PTPRO: variants seen among roughly 807,000 people sequenced by gnomAD.
PTPRO encodes the protein protein tyrosine phosphatase receptor type O.
PTPRO carries 62 observed loss-of-function variants against 145.2 expected under a neutral mutation model. The observed-to-expected ratio is 0.43, with a 90% confidence interval of 0.35 to 0.53. The LOEUF (loss-of-function observed/expected upper bound fraction) is 0.53. Ranked by LOEUF, PTPRO falls within the 20% of genes least tolerant of loss-of-function variation. PTPRO has a pLI of 0.01. For synonymous variants in PTPRO, 565 were observed against 514.7 expected (o/e 1.10, Z -1.32); for missense variants, 1,345 against 1,482.7 (o/e 0.91, Z 1.53).
At chr12:15,459,132 C>T (rs1401492723) in intron 1 of PTPRO, among the ~76,000 whole-genome samples, 1 of 152,154 alleles carries the variant, frequency 6.6e-6, no homozygotes, top group Admixed American at 6.5e-5. Context: ...GAAGCCAGTT[C>T]CTCAGGCAAT....
intron 6 of PTPRO, among the ~76,000 whole-genome samples, chr12:15,506,646 G>T (rs569702840): frequency 7.9e-5 from 12 of 152,048 alleles, no homozygotes; most frequent in African/African-American, 2.9e-4. Context: ...ATGAGAACTC[G>T]CTCATTGTCT....
chr12:15,384,289 GATT>G (rs894174791), intron 1 of PTPRO, among the ~76,000 whole-genome samples: 30 of 152,106 alleles, frequency 2.0e-4, no homozygotes, highest in African/African-American at 7.2e-4. Flanking sequence ...GGGATTGCTG[GATT>G]ATTATAAATT....
rs1392955396 is a variant in PTPRO at position 15,323,323 on chromosome 12, C to T, written c.75+522C>T. ...TGAATAAGGAGTGTCAGGTAGAGAG[C>T]TTGGTAAGGATTCCTCTCCCCAACT... On this transcript the variant is annotated intron_variant, in intron 1 of 26. Transcript: ENST00000281171. Among the ~76,000 whole-genome samples, 4 of 152,264 alleles carry T rather than the reference C, an allele frequency of 2.6e-5. No homozygotes were observed. The East Asian group carries it at 7.7e-4, about 29-fold the overall frequency.
intron 1 of PTPRO, among the ~76,000 whole-genome samples, chr12:15,435,266 C>G (rs1390571447): frequency 6.6e-6 from 1 of 152,022 alleles, no homozygotes; most frequent in Non-Finnish European, 1.5e-5. Context: ...TAATGATGAC[C>G]CGTAAGTCAT....
intron 1 of PTPRO, among the ~76,000 whole-genome samples, chr12:15,338,900 T>C (rs1866866036): frequency 6.6e-6 from 1 of 152,130 alleles, no homozygotes. Context: ...AAGGTAAACA[T>C]GTAAGGAAGG....
intron 1 of PTPRO, among the ~76,000 whole-genome samples, chr12:15,456,118 T>C (rs577179795): frequency 6.6e-6 from 1 of 152,340 alleles, no homozygotes; most frequent in South Asian, 2.1e-4. Flanking sequence ...TTCATGTATG[T>C]CCTTTAGTAT....
At chr12:15,513,122 AGG>A (rs1942484348) in intron 7 of PTPRO, among the ~76,000 whole-genome samples, 1 of 41,794 alleles carries the variant, frequency 2.4e-5, no homozygotes, top group Non-Finnish European at 5.5e-5. Context: ...GAAGGAAGGA[AGG>A]AAGGAAGGAA....
intron 7 of PTPRO, among the ~76,000 whole-genome samples, chr12:15,513,590 G>T (rs953187860): frequency 2.6e-5 from 4 of 152,068 alleles, no homozygotes; most frequent in African/African-American, 4.8e-5. Flanking sequence ...GTGCGAAAAG[G>T]TTTAAAATTC....
intron 16 of PTPRO, among the ~76,000 whole-genome samples, chr12:15,558,501 A>G (rs190544399): frequency 6.6e-6 from 1 of 152,368 alleles, no homozygotes; most frequent in East Asian, 1.9e-4. Context: ...GATGAAGATT[A>G]ACAATCCTAT....
chr12:15,566,267 G>T (rs954495222), intron 18 of PTPRO, among the ~76,000 whole-genome samples: 1 of 152,032 alleles, frequency 6.6e-6, no homozygotes, highest in Non-Finnish European at 1.5e-5. Flanking sequence ...CCTTTATATA[G>T]AGTTTGTTCT....
intron 1 of PTPRO, among the ~76,000 whole-genome samples, chr12:15,445,160 A>C (rs1435333396): frequency 6.6e-6 from 1 of 152,150 alleles, no homozygotes; most frequent in Admixed American, 6.6e-5. Context: ...AGGTTTAAAG[A>C]GTCAGAAAGT....
chr12:15,453,141 A>C (rs552017746), intron 1 of PTPRO, among the ~76,000 whole-genome samples: 3 of 152,146 alleles, frequency 2.0e-5, no homozygotes, highest in African/African-American at 7.2e-5. Flanking sequence ...CAGATTTAGA[A>C]AATCTGGACC....
chr12:15,422,275 T>C (rs1438063298), intron 1 of PTPRO, among the ~76,000 whole-genome samples: 1 of 152,212 alleles, frequency 6.6e-6, no homozygotes, highest in African/African-American at 2.4e-5. Context: ...TCTTGTTTTT[T>C]GTTTGTTTGT....
In PTPRO at chr12:15,596,597, A is replaced by G. The variant is rs561125000; in HGVS notation, c.*524A>G. The G allele has an allele frequency of 2.0e-5, 3 of 152,698 alleles. No individual in the cohort carries two copies. In the South Asian group the frequency reaches 6.2e-4, roughly 32 times the overall value. The allele number at this position is 152,698 out of a possible 1,614,324, so 9.5% of individuals were successfully genotyped here. ...AAGAAATGGTCATTCTACTTCAAAG[A>G]AATTGAGCCAGCACTATCTGTACTC... On this transcript the variant is annotated 3_prime_UTR_variant, in exon 27 of 27. Coordinates refer to ENST00000281171, the MANE Select transcript of PTPRO (RefSeq NM_030667.3).
At chr12:15,582,552 C>G (rs761135454) in intron 23 of PTPRO, among the ~76,000 whole-genome samples, 8 of 152,186 alleles carry the variant, frequency 5.3e-5, no homozygotes, top group Non-Finnish European at 1.2e-4. Flanking sequence ...AGCTCAAGAT[C>G]ATAGAAGACA....
Position 15,470,094 on chromosome 12 carries a change from C to T in PTPRO, c.76-13880C>T, listed in dbSNP as rs768556880. Among the ~76,000 whole-genome samples the T allele has an allele frequency of 3.9e-5, 6 of 152,124 alleles. 1 individual carries two copies. Among genetic ancestry groups the T allele is most frequent in the Non-Finnish European group, 5.9e-5 (4 of 68,024 alleles). ...TTTCTGTTTTTTTCATGATGCTACA[C>T]TTTTTGAGGATTTATCAGGCATATT... On this transcript the variant is annotated intron_variant, in intron 1 of 26. Transcript: ENST00000281171.
chr12:15,331,984 A>ATTTC (rs1866625710), intron 1 of PTPRO, among the ~76,000 whole-genome samples: 1 of 61,074 alleles, frequency 1.6e-5, no homozygotes, highest in African/African-American at 5.7e-5. Flanking sequence ...TTTTTTTTTG[A>ATTTC]CAGAGTCTTG....
intron 1 of PTPRO, among the ~76,000 whole-genome samples, chr12:15,428,606 G>A (rs912312946): frequency 6.6e-6 from 1 of 152,092 alleles, no homozygotes; most frequent in African/African-American, 2.4e-5. Context: ...TCTAAAGATG[G>A]AAAATTATGA....
Position 15,344,101 on chromosome 12 carries a change from C to G in PTPRO, c.75+21300C>G, listed in dbSNP as rs140695241. On this transcript the variant is annotated intron_variant, in intron 1 of 26. Transcript: ENST00000281171. ...TGTCAGGTTCTAACTAAAAAGAAGG[C>G]AAATATAAAAACCGGCTTTGTCACT... Among the ~76,000 whole-genome samples the G allele has an allele frequency of 3.6e-3, 542 of 152,196 alleles. 7 individuals are homozygous for G. Among genetic ancestry groups the G allele is most frequent in the African/African-American group, 0.012 (510 of 41,518 alleles).
Sources: gnomAD v4.1 joint callset for allele counts (sites outside exome capture counted in the v4.1 genomes callset) on GRCh38, gnomAD v4.1.1 for gene constraint, MANE v1.5 for transcripts, NCBI Gene and HGNC (gene_info 2026-07-23, HGNC 2026-07-21) for gene names.